The following UNC79 variants were observed in gnomAD, a reference collection of about 807,000 sequenced individuals.
UNC79 encodes unc-79 subunit of NALCN channel complex.
UNC79 carries 37 observed loss-of-function variants against 283.1 expected under a neutral mutation model. That is an observed-to-expected ratio of 0.13 (90% CI 0.10 to 0.17). The LOEUF is 0.17. Among genes scored for constraint, UNC79 ranks in the 10% least tolerant of loss-of-function variants. The pLI is 1.00. For missense variants in UNC79, 2,272 were observed against 3,211.1 expected (o/e 0.71, Z 7.07); for synonymous variants, 1,107 against 1,200.2 (o/e 0.92, Z 1.61).
chr14:93,398,176 G>A (rs1229435050), intron 1 of UNC79, among the ~76,000 whole-genome samples: 1 of 152,114 alleles, frequency 6.6e-6, no homozygotes, highest in Non-Finnish European at 1.5e-5. Flanking sequence ...ACAAGATATA[G>A]GTATATTGAA....
chr14:93,629,831 CT>C (rs1238925847), intron 30 of UNC79, among the ~76,000 whole-genome samples: 4 of 152,188 alleles, frequency 2.6e-5, no homozygotes, highest in African/African-American at 9.6e-5. Flanking sequence ...GTTGACATCC[CT>C]GAATTCCAGT....
chr14:93,589,878 CAT>C (rs1172251718), intron 22 of UNC79, among the ~76,000 whole-genome samples: 2 of 152,132 alleles, frequency 1.3e-5, no homozygotes, highest in Non-Finnish European at 2.9e-5. Context: ...GCTTGGGCAA[CAT>C]AGCAAGACCC....
At chr14:93,649,039 G>A (rs1296767661) in intron 35 of UNC79, among the ~76,000 whole-genome samples, 2 of 152,094 alleles carry the variant, frequency 1.3e-5, no homozygotes, top group South Asian at 2.1e-4. Flanking sequence ...GGGCAGGGAC[G>A]GATGCTGTGT....
At chr14:93,571,382 A>G (rs1313577299) in intron 14 of UNC79, among the ~76,000 whole-genome samples, 3 of 152,216 alleles carry the variant, frequency 2.0e-5, no homozygotes, top group African/African-American at 7.2e-5. Context: ...CCTTTAGAAC[A>G]TTCTTAGGAA....
At chr14:93,685,394 G>A (rs763267743) in intron 42 of UNC79, among the ~76,000 whole-genome samples, 3 of 152,136 alleles carry the variant, frequency 2.0e-5, no homozygotes, top group African/African-American at 7.2e-5. Context: ...TATTCCAAAA[G>A]CAGGAACACA....
At chr14:93,360,564 C>G (rs751599813) in intron 1 of UNC79, among the ~76,000 whole-genome samples, 1 of 152,222 alleles carries the variant, frequency 6.6e-6, no homozygotes, top group Admixed American at 6.5e-5. Flanking sequence ...TTTCTCCATT[C>G]CTGTCCATGA....
Position 93,586,755 on chromosome 14 carries a change from T to C in UNC79, c.2884-5T>C. The stretch of plus-strand genomic sequence containing the variant: ...AACTTAGTAACCATGTGGTTTTTTG[T>C]ATAGGAAATGGCTAAGTTTGAAGAG... On this transcript the variant is annotated splice_region_variant and splice_polypyrimidine_tract_variant and intron_variant, in intron 21 of 48. Transcript: ENST00000555664. 1 of 1,613,526 alleles carries C rather than the reference T, an allele frequency of 6.2e-7. No individual in the cohort carries two copies. The highest frequency in any genetic ancestry group is 8.5e-7 in the Non-Finnish European group (1 of 1,179,850).
At position 93,686,608 on chromosome 14, in the gene UNC79, A is replaced by C. The variant is rs1397867753; in HGVS notation, c.6856A>C (p.Ile2286Leu). 3.7e-6 allele frequency: 6 copies of C among 1,614,190 alleles called. No homozygotes were observed. The Admixed American group carries it at 5.0e-5, about 13-fold the overall frequency. The stretch of plus-strand genomic sequence containing the variant: ...AGCGATGGAGTGTGTGAGGCAGTAC[A>C]TCAACGAAGTGCTGGATTTCATGGC... Residue 2286 changes from isoleucine (I) to leucine (L), a missense_variant, in exon 43 of 49, where the codon ATC (isoleucine) becomes CTC (leucine). Transcript: ENST00000555664.
At chr14:93,364,101 A>G (rs2054280007) in intron 1 of UNC79, among the ~76,000 whole-genome samples, 1 of 152,132 alleles carries the variant, frequency 6.6e-6, no homozygotes, top group Non-Finnish European at 1.5e-5. Flanking sequence ...CTGCACACCA[A>G]AACCTTTTTA....
intron 1 of UNC79, among the ~76,000 whole-genome samples, chr14:93,408,589 G>T (rs977125617): frequency 2.0e-5 from 3 of 152,166 alleles, no homozygotes; most frequent in African/African-American, 7.2e-5. Context: ...CTATTCAGGA[G>T]GCTGAGGCGG....
At chr14:93,517,129 T>C (rs1489374770) in intron 7 of UNC79, among the ~76,000 whole-genome samples, 5 of 145,976 alleles carry the variant, frequency 3.4e-5, no homozygotes, top group African/African-American at 1.2e-4. Context: ...TAATTTTTTT[T>C]CTTTTCTTTC....
rs1301740389 is a variant in UNC79, at chr14:93,621,656, G to T, written c.4423G>T (p.Ala1475Ser). 6.3e-7 allele frequency: 1 copy of T among 1,597,820 alleles called. No individual in the cohort carries two copies. The highest frequency in any genetic ancestry group is 8.5e-7 in the Non-Finnish European group (1 of 1,172,724). Residue 1475 changes from alanine (A) to serine (S), a missense_variant, in exon 30 of 49, where the codon GCA becomes TCA. This residue lies in a region of UNC79 where 580 missense variants were observed against 632.2 expected (regional missense o/e 0.92). Transcript: ENST00000555664. This position sits in a 1 kb window ranked among gnomAD's most constrained non-coding sequence, Gnocchi z 4.8. ...ACTGGCTGAATATAGAGAGACGGGT[G>T]CATTACAAGACAGCCTTCTCCACTG...
chr14:93,553,294 G>A (rs1176937021), intron 14 of UNC79, among the ~76,000 whole-genome samples: 5 of 152,150 alleles, frequency 3.3e-5, no homozygotes, highest in Non-Finnish European at 5.9e-5. Flanking sequence ...AAAAGGGTCA[G>A]CAGCATTTCT....
intron 42 of UNC79, among the ~76,000 whole-genome samples, chr14:93,684,905 T>C (rs1384521505): frequency 6.6e-6 from 1 of 152,242 alleles, no homozygotes; most frequent in Admixed American, 6.5e-5. Context: ...ATGAAATAAA[T>C]GTAGCTCTTC....
rs746984728 is a variant in UNC79, at chr14:93,617,231, G to T, written c.4151G>T (p.Arg1384Leu). ...CGGCATTATTTCCAACAGCCGCCTC[G>T]TTGCTCCCTCTGGTCCCTAAAGCCT... The change falls in exon 28 of 49, where the codon CGT (arginine) becomes CTT (leucine). Residue 1384 changes from arginine (R) to leucine (L), a missense_variant. By Grantham distance (102) the Arg-to-Leu change is moderately radical (BLOSUM62 -2). This residue lies in a region of UNC79 where 128 missense variants were observed against 230.3 expected (regional missense o/e 0.56). Coordinates refer to ENST00000555664, the Ensembl canonical transcript of UNC79. This position sits in a 1 kb window ranked among gnomAD's most constrained non-coding sequence, Gnocchi z 4.5. The T allele has an allele frequency of 3.7e-6, 6 of 1,614,060 alleles. No individual in the cohort carries two copies. The Admixed American group carries it at 8.3e-5, about 22-fold the overall frequency.
chr14:93,704,808 G>T (rs899367669), intron 48 of UNC79, 142 bp downstream of exon 51: 1 of 1,053,192 alleles, frequency 9.5e-7, no homozygotes, highest in African/African-American at 1.6e-5. Context: ...TAATGCAGGA[G>T]ACCTGTGGGC....
intron 1 of UNC79, among the ~76,000 whole-genome samples, chr14:93,346,505 G>A (rs79805921): frequency 0.035 from 5,262 of 152,212 alleles, 293 homozygotes; most frequent in African/African-American, 0.12. Context: ...AAAATTAGCC[G>A]TAGTGACAGA....
At chr14:93,549,566 T>A (rs1348487520) in intron 14 of UNC79, among the ~76,000 whole-genome samples, 1 of 152,146 alleles carries the variant, frequency 6.6e-6, no homozygotes, top group African/African-American at 2.4e-5. Flanking sequence ...TATGTTAAAA[T>A]AAAAACCTTA....
intron 26 of UNC79, among the ~76,000 whole-genome samples, chr14:93,606,665 G>T (rs1259613556): frequency 6.6e-6 from 1 of 151,886 alleles, no homozygotes; most frequent in Admixed American, 6.6e-5. Context: ...TATACAACAA[G>T]ATTTAAATTT....
Sources: gnomAD v4.1 joint callset for allele counts (sites outside exome capture counted in the v4.1 genomes callset) on GRCh38, gnomAD v4.1.1 for gene constraint, gnomAD v4.1.1 regional missense constraint, Gnocchi (gnomAD v3.1) non-coding constraint, MANE v1.5 for transcripts, NCBI Gene and HGNC (gene_info 2026-07-23, HGNC 2026-07-21) for gene names.